The following RFPL1 variants were observed in gnomAD, a reference collection of about 807,000 sequenced individuals.
RFPL1 encodes the protein ret finger protein-like 1.
A neutral mutation model predicts 9.6 loss-of-function variants in RFPL1; 6 were observed. The observed-to-expected ratio is 0.62, with a 90% CI of 0.34 to 1.23. The LOEUF (loss-of-function observed/expected upper bound fraction) is 1.23, where lower values mean the gene tolerates loss of function less well. Among genes scored for constraint, RFPL1 ranks in the 50% most tolerant of loss-of-function variants. The pLI is 0.03. For missense variants in RFPL1, 352 were observed against 398.4 expected (o/e 0.88, Z 0.99); for synonymous variants, 145 against 149.4 (o/e 0.97, Z 0.22).
the RFPL1 span, among the ~76,000 whole-genome samples, chr22:29,412,964 C>T: frequency 6.6e-6 from 1 of 152,202 alleles, no homozygotes; most frequent in African/African-American, 2.4e-5. Flanking sequence ...CTGCTGGAAT[C>T]CCTCTGGACC....
chr22:29,395,970 CGAAAA>C, the RFPL1 span, among the ~76,000 whole-genome samples: 1 of 145,922 alleles, frequency 6.9e-6, no homozygotes, highest in East Asian at 2.0e-4. Flanking sequence ...GAGACTCTGT[CGAAAA>C]GAGAAGAGAA....
chr22:29,411,305 A>T, the RFPL1 span, among the ~76,000 whole-genome samples: 1 of 152,212 alleles, frequency 6.6e-6, no homozygotes, highest in Non-Finnish European at 1.5e-5. Context: ...CAGAAAGGTT[A>T]TATAACTTGC....
chr22:29,430,750 A>G, the RFPL1 span, among the ~76,000 whole-genome samples: 4 of 152,214 alleles, frequency 2.6e-5, no homozygotes, highest in African/African-American at 7.2e-5. Context: ...TGAGAAAACT[A>G]CTTGAAACTA....
chr22:29,411,207 AT>A, the RFPL1 span, among the ~76,000 whole-genome samples: 1 of 152,158 alleles, frequency 6.6e-6, no homozygotes, highest in Non-Finnish European at 1.5e-5. Flanking sequence ...ATTTTATCTC[AT>A]GTAATTCTTA....
At chr22:29,391,362 T>A in the RFPL1 span, among the ~76,000 whole-genome samples, 1 of 152,050 alleles carries the variant, frequency 6.6e-6, no homozygotes, top group East Asian at 1.9e-4. Flanking sequence ...CTGGAATAAT[T>A]TTATGTGTAT....
At chr22:29,424,539 G>C in the RFPL1 span, among the ~76,000 whole-genome samples, 2 of 151,946 alleles carry the variant, frequency 1.3e-5, no homozygotes, top group East Asian at 3.9e-4. Context: ...TAAGTGGCTG[G>C]GCTGGGAGAC....
the RFPL1 span, among the ~76,000 whole-genome samples, chr22:29,423,465 C>T: frequency 1.3e-5 from 2 of 152,030 alleles, no homozygotes; most frequent in Admixed American, 1.3e-4. Flanking sequence ...ATCCTCCTGC[C>T]TCGGCCTCCC....
the RFPL1 span, among the ~76,000 whole-genome samples, chr22:29,421,002 C>A: frequency 6.6e-6 from 1 of 152,056 alleles, no homozygotes; most frequent in Non-Finnish European, 1.5e-5. Flanking sequence ...TTTCTTATTT[C>A]ATCCTCACAA....
At position 29,441,926 on chromosome 22, in the gene RFPL1, T is replaced by C. The variant is rs200128421; in HGVS notation, c.758T>C (p.Met253Thr). Reference sequence around the variant, plus strand: ...GTGGGGATTTTTCTGGATATGGGCATGCAGAACGTTTCCTTTTTTGATGCT... The same window carrying C: ...GTGGGGATTTTTCTGGATATGGGCACGCAGAACGTTTCCTTTTTTGATGCT... The change falls in exon 2 of 2, where the codon ATG becomes ACG. Residue 253 changes from methionine to threonine, a missense_variant. Met to Thr is a moderately conservative substitution (Grantham distance 81). Coordinates refer to ENST00000354373, the Ensembl canonical transcript of RFPL1. 66 of 1,613,242 alleles carry C rather than the reference T, an allele frequency of 4.1e-5. No homozygotes were observed. The South Asian group carries it at 5.2e-4, about 13-fold the overall frequency.
At chr22:29,417,689 G>A in the RFPL1 span, among the ~76,000 whole-genome samples, 15 of 151,352 alleles carry the variant, frequency 9.9e-5, no homozygotes, top group African/African-American at 3.7e-4. Flanking sequence ...AGGAACTACT[G>A]AGAAAACAAA....
At chr22:29,390,918 C>A in the RFPL1 span, among the ~76,000 whole-genome samples, 1 of 151,376 alleles carries the variant, frequency 6.6e-6, no homozygotes, top group Non-Finnish European at 1.5e-5. Context: ...ATTTTTAAAT[C>A]CTTTTTAAAA....
At chr22:29,393,141 GTGACACCCAACC>G in the RFPL1 span, among the ~76,000 whole-genome samples, 1 of 152,330 alleles carries the variant, frequency 6.6e-6, no homozygotes, top group East Asian at 1.9e-4. Context: ...CCTGGAGGAA[GTGACACCCAACC>G]TGAACTGTGA....
upstream of RFPL1, chr22:29,437,888 G>A (rs1260406621): frequency 1.3e-5 from 8 of 616,628 alleles, no homozygotes; most frequent in Non-Finnish European, 2.1e-5. Context: ...TGGATCCCCA[G>A]ATCTCCAGTC....
At chr22:29,408,684 A>T in the RFPL1 span, among the ~76,000 whole-genome samples, 1 of 151,852 alleles carries the variant, frequency 6.6e-6, no homozygotes, top group East Asian at 1.9e-4. Context: ...AGTGTCATGG[A>T]CTCTAGCGAC....
chr22:29,420,754 C>T, the RFPL1 span, among the ~76,000 whole-genome samples: 1 of 150,500 alleles, frequency 6.6e-6, no homozygotes, highest in Non-Finnish European at 1.5e-5. Flanking sequence ...AATTCTCCTG[C>T]CTCAACCTCC....
At chr22:29,422,480 G>A in the RFPL1 span, among the ~76,000 whole-genome samples, 1 of 152,226 alleles carries the variant, frequency 6.6e-6, no homozygotes, top group Non-Finnish European at 1.5e-5. Flanking sequence ...GGGAGGCTGA[G>A]GCAGAAGAAT....
chr22:29,439,551 T>G (rs2062827740), intron 1 of RFPL1: 2 of 197,776 alleles, frequency 1.0e-5, no homozygotes, highest in Non-Finnish European at 2.1e-5. Flanking sequence ...AGAATGGCGT[T>G]AACCTGGGGG....
chr22:29,410,567 T>C, the RFPL1 span, among the ~76,000 whole-genome samples: 2 of 90,302 alleles, frequency 2.2e-5, no homozygotes, highest in Non-Finnish European at 5.2e-5. Context: ...TGTAGATATA[T>C]ATATTGTAGA....
At chr22:29,392,378 C>CTTTTTTTTTT in the RFPL1 span, among the ~76,000 whole-genome samples, 4 of 46,272 alleles carry the variant, frequency 8.6e-5, 1 homozygote, top group Admixed American at 3.5e-4. Context: ...CCACACCTGG[C>CTTTTTTTTTT]TTTTTTTTTT....
Sources: allele counts gnomAD v4.1 joint callset (sites outside exome capture counted in the v4.1 genomes callset), GRCh38; gene constraint gnomAD v4.1.1; transcripts MANE v1.5; gene names NCBI Gene and HGNC (gene_info 2026-07-23, HGNC 2026-07-21).